The following NF2 variants were observed in gnomAD, a reference collection of about 807,000 sequenced individuals.
NF2 encodes the protein merlin.
Under a neutral mutation model 83.7 loss-of-function variants are expected in NF2, and 8 were observed. The observed-to-expected ratio is 0.10, with a 90% CI of 0.06 to 0.17. The LOEUF (loss-of-function observed/expected upper bound fraction) is 0.17, where lower values mean the gene tolerates loss of function less well. Among genes scored for constraint, NF2 ranks in the 10% least tolerant of loss-of-function variants. The probability of loss-of-function intolerance (pLI) is 1.00; values close to 1 mark genes in which losing one functional copy is unlikely to be tolerated. For synonymous variants in NF2, 266 were observed against 269.6 expected, an observed-to-expected ratio of 0.99 and a Z score of 0.13; for missense variants, 533 against 744.4, an observed-to-expected ratio of 0.72 and a Z score of 3.31.
chr22:29,642,313 T>C, intron 4 of NF2, 28 bp downstream of exon 4: 1 of 1,591,960 alleles, frequency 6.3e-7, no homozygotes, highest in Non-Finnish European at 8.6e-7. Context: ...AAATGTATTT[T>C]TCCTGGGCGT....
At chr22:29,610,062 G>T (rs1485653914) in intron 1 of NF2, among the ~76,000 whole-genome samples, 2 of 151,688 alleles carry the variant, frequency 1.3e-5, no homozygotes, top group Non-Finnish European at 2.9e-5. Context: ...AGAGACCTGG[G>T]CACAGTGGCT....
chr22:29,643,954 T>C (rs2065893624), intron 4 of NF2, among the ~76,000 whole-genome samples: 1 of 131,580 alleles, frequency 7.6e-6, no homozygotes. Context: ...ACGGGGCGGC[T>C]GGCCTGGCGG....
At chr22:29,642,621 G>A (rs1569284492) in intron 4 of NF2, among the ~76,000 whole-genome samples, 1 of 151,762 alleles carries the variant, frequency 6.6e-6, no homozygotes, top group African/African-American at 2.4e-5. Flanking sequence ...GACATTTACT[G>A]GAAAAACCTT....
chr22:29,673,658 C>G (rs1221480567), intron 12 of NF2, among the ~76,000 whole-genome samples, 172 bp downstream of exon 12: 1 of 152,166 alleles, frequency 6.6e-6, no homozygotes, highest in African/African-American at 2.4e-5. Flanking sequence ...CATTTTGGGG[C>G]TGGCGCTACT....
chr22:29,655,135 G>C (rs2066262025), intron 5 of NF2, among the ~76,000 whole-genome samples: 1 of 152,112 alleles, frequency 6.6e-6, no homozygotes, highest in African/African-American at 2.4e-5. Context: ...TTATTCATTA[G>C]CCACAGAAGC....
At chr22:29,666,137 T>G (rs1183918077) in intron 9 of NF2, among the ~76,000 whole-genome samples, 1 of 152,122 alleles carries the variant, frequency 6.6e-6, no homozygotes, top group Non-Finnish European at 1.5e-5. Context: ...TGTTAATGGA[T>G]AATTAAGTGC....
intron 14 of NF2, among the ~76,000 whole-genome samples, chr22:29,680,948 T>G (rs904592121): frequency 5.4e-5 from 4 of 74,152 alleles, no homozygotes; most frequent in Non-Finnish European, 1.5e-4. Flanking sequence ...TCACGTATGT[T>G]TTTTTTTTGT....
intron 12 of NF2, among the ~76,000 whole-genome samples, chr22:29,674,235 C>T (rs117274582): frequency 0.033 from 5,028 of 152,268 alleles, 121 homozygotes; most frequent in Non-Finnish European, 0.047. Context: ...TTACTGTATT[C>T]GGGGGTCACT....
intron 10 of NF2, among the ~76,000 whole-genome samples, chr22:29,670,692 CAGTT>C (rs771005093): frequency 3.3e-5 from 5 of 152,154 alleles, no homozygotes; most frequent in Non-Finnish European, 7.3e-5. Context: ...TTTTTGAACT[CAGTT>C]AGTACCCTGG....
chr22:29,683,308 G>A, intron 15 of NF2: 1 of 1,428,182 alleles, frequency 7.0e-7, no homozygotes, highest in Non-Finnish European at 9.1e-7. Context: ...GGGGCTGTAG[G>A]ACCAGCCATT....
chr22:29,662,063 T>A (rs573040319), intron 8 of NF2, among the ~76,000 whole-genome samples: 1 of 152,234 alleles, frequency 6.6e-6, no homozygotes, highest in Non-Finnish European at 1.5e-5. Flanking sequence ...TAATGTATAA[T>A]CTTATGTTTA....
Position 29,636,990 on chromosome 22 carries a change from C to T in NF2, c.240+114C>T, listed in dbSNP as rs1282051493. ...TGTAGCTGTATAGTAGAGAAGGGGG[C>T]ACATTCCTGAATTAAGTCATGCAGA... On this transcript the variant is annotated intron_variant, in intron 2 of 15. Transcript: ENST00000338641. This position sits in a 1 kb window ranked among gnomAD's most constrained non-coding sequence, Gnocchi z 4.4. 1 of 1,462,082 alleles carries T rather than the reference C, an allele frequency of 6.8e-7. No homozygotes were observed. Among genetic ancestry groups the T allele is most frequent in the Admixed American group, 1.7e-5 (1 of 59,296 alleles). 90.6% of individuals were successfully genotyped at this position (1,462,082 alleles called of 1,614,324 possible). A position where few individuals can be genotyped will look rare whatever the true frequency, so the allele number is the denominator to read the frequency against.
chr22:29,684,346 G>A (rs2067222157), intron 15 of NF2, among the ~76,000 whole-genome samples: 1 of 152,056 alleles, frequency 6.6e-6, no homozygotes, highest in African/African-American at 2.4e-5. Flanking sequence ...GGCACCCAGA[G>A]CAGCCAGGTG....
intron 15 of NF2, among the ~76,000 whole-genome samples, chr22:29,688,046 C>T (rs906363238): frequency 2.0e-5 from 3 of 152,216 alleles, no homozygotes; most frequent in Non-Finnish European, 4.4e-5. Flanking sequence ...TGTCTCGTAA[C>T]TGTTGAGAGC....
At chr22:29,620,524 AG>A (rs34637633) in intron 1 of NF2, among the ~76,000 whole-genome samples, 35,796 of 146,738 alleles carry the variant, frequency 0.24, 4,352 homozygotes, top group Non-Finnish European at 0.29. Flanking sequence ...TGGATCCCTG[AG>A]GTCAGGAGTT....
intron 1 of NF2, among the ~76,000 whole-genome samples, chr22:29,606,031 C>T (rs1330611965): frequency 1.3e-5 from 2 of 152,096 alleles, no homozygotes; most frequent in South Asian, 2.1e-4. Flanking sequence ...CTCGCCTCAC[C>T]GCAGCCTCTG....
chr22:29,693,680 G>T (rs2158619), intron 15 of NF2, among the ~76,000 whole-genome samples: 1 of 152,048 alleles, frequency 6.6e-6, no homozygotes, highest in Non-Finnish European at 1.5e-5. Flanking sequence ...CTTCTCAGCC[G>T]GGTGTGGAGC....
chr22:29,643,451 T>C (rs958667248), intron 4 of NF2, among the ~76,000 whole-genome samples: 4 of 152,208 alleles, frequency 2.6e-5, no homozygotes, highest in Admixed American at 6.5e-5. Flanking sequence ...TCCGCAGCGT[T>C]TGTGTCCCTG....
Position 29,678,336 on chromosome 22 carries a change from CT to C in NF2, c.1574+14del. On this transcript the variant is annotated intron_variant, in intron 14 of 15. Coordinates refer to ENST00000338641, the MANE Select transcript of NF2 (RefSeq NM_000268.4). ...TAGAGAAAGAAAAGTATGTAGCCCC[CT>C]GTGCCCTGCTGTGGGCAGCTGTGAA... 6.2e-7 allele frequency: 1 copy of C among 1,612,470 alleles called. No individual in the cohort carries two copies. The highest frequency in any genetic ancestry group is 8.5e-7 in the Non-Finnish European group (1 of 1,179,002).
Sources: gnomAD v4.1 joint callset for allele counts (sites outside exome capture counted in the v4.1 genomes callset) on GRCh38, gnomAD v4.1.1 for gene constraint, Gnocchi (gnomAD v3.1) non-coding constraint, MANE v1.5 for transcripts, NCBI Gene and HGNC (gene_info 2026-07-23, HGNC 2026-07-21) for gene names.